RGPD3: variants seen among roughly 807,000 people sequenced by gnomAD.
RGPD3 encodes the protein ranBP2-like and GRIP domain-containing protein 3.
In RGPD3, 62 loss-of-function variants were observed where a neutral mutation model predicts 154.5. The observed-to-expected ratio is 0.40, with a 90% CI of 0.33 to 0.50. The LOEUF is 0.50. RGPD3 is among the 20% of genes least tolerant of loss of function. The probability of loss-of-function intolerance (pLI) is 0.59; values close to 1 mark genes in which losing one functional copy is unlikely to be tolerated. For missense variants in RGPD3, 919 were observed against 1,716.8 expected (o/e 0.54, Z 8.21); for synonymous variants, 308 against 607.0 (o/e 0.51, Z 7.24).
intron 1 of RGPD3, among the ~76,000 whole-genome samples, chr2:106,466,880 CCGCCGGGCCGGG>C (rs1678620924): frequency 1.1e-5 from 1 of 90,260 alleles, no homozygotes; most frequent in Non-Finnish European, 2.3e-5. Context: ...ATCGAGGCCG[CCGCCGGGCCGGG>C]TCGAGGCCGC....
At chr2:106,410,371 G>C (rs1011896876) in intron 22 of RGPD3, among the ~76,000 whole-genome samples, 1 of 152,102 alleles carries the variant, frequency 6.6e-6, no homozygotes, top group Non-Finnish European at 1.5e-5. Flanking sequence ...ACATCTTAGA[G>C]TTCTGGGTTT....
intron 1 of RGPD3, 27 bp downstream of exon 1, chr2:106,468,190 C>T (rs1269998528): frequency 1.3e-6 from 2 of 1,588,722 alleles, no homozygotes; most frequent in African/African-American, 1.3e-5. Flanking sequence ...CAGGTCGAGG[C>T]CGTCGGTCTC....
At chr2:106,465,999 G>A (rs1558864576) in intron 1 of RGPD3, among the ~76,000 whole-genome samples, 1 of 152,058 alleles carries the variant, frequency 6.6e-6, no homozygotes, top group Non-Finnish European at 1.5e-5. Context: ...AGGCCAAGGA[G>A]GTATGACCTC....
intron 1 of RGPD3, among the ~76,000 whole-genome samples, chr2:106,464,156 T>G (rs1678487835): frequency 6.6e-6 from 1 of 151,970 alleles, no homozygotes; most frequent in African/African-American, 2.4e-5. Context: ...CTATCCTGGC[T>G]AACACGGTGA....
chr2:106,446,557 G>A lies in RGPD3; in HGVS notation c.978+861C>T, dbSNP rs1484405690. ...TGCACTCCAGCCTGGGCGACAGAGC[G>A]AGACTCCATCTCAAAAAAAAAAAAA... On this transcript the variant is annotated intron_variant, in intron 7 of 22. Coordinates refer to ENST00000409886, the MANE Select transcript of RGPD3 (RefSeq NM_001144013.2). 4.4e-4 allele frequency among the ~76,000 whole-genome samples: 34 copies of A among 78,076 alleles called. 1 individual carries two copies. Among genetic ancestry groups the A allele is most frequent in the Non-Finnish European group, 4.2e-4 (18 of 42,630 alleles). 51.2% of individuals were successfully genotyped at this position (78,076 alleles called of 152,430 possible).
At chr2:106,469,533 T>TA (rs1678757031), upstream of RGPD3, among the ~76,000 whole-genome samples, 1 of 152,180 alleles carries the variant, frequency 6.6e-6, no homozygotes, top group South Asian at 2.1e-4. Context: ...CTGATAGCAC[T>TA]AACCTTCCCT....
At chr2:106,449,077 A>G in intron 6 of RGPD3, among the ~76,000 whole-genome samples, 1 of 151,740 alleles carries the variant, frequency 6.6e-6, no homozygotes, top group Admixed American at 6.6e-5. Context: ...ATGTTCTATT[A>G]AGCGAGACAT....
intron 6 of RGPD3, among the ~76,000 whole-genome samples, chr2:106,449,746 G>C (rs1433771487): frequency 1.3e-5 from 2 of 151,626 alleles, no homozygotes; most frequent in East Asian, 2.0e-4. Context: ...AGCCGGGCGC[G>C]GTGGCTCATG....
At chr2:106,464,670 C>G (rs1400309072) in intron 1 of RGPD3, among the ~76,000 whole-genome samples, 1 of 151,974 alleles carries the variant, frequency 6.6e-6, no homozygotes, top group Non-Finnish European at 1.5e-5. Context: ...CATAGAAAAA[C>G]TAAACAGAAG....
At chr2:106,465,579 G>T (rs1323577047) in intron 1 of RGPD3, among the ~76,000 whole-genome samples, 28 of 133,394 alleles carry the variant, frequency 2.1e-4, no homozygotes, top group South Asian at 2.5e-4. Context: ...TTTTAAGCTT[G>T]TTTAAAAAAA....
At chr2:106,413,582 T>C (rs529833276) in intron 21 of RGPD3, among the ~76,000 whole-genome samples, 58 of 152,236 alleles carry the variant, frequency 3.8e-4, no homozygotes, top group Non-Finnish European at 7.6e-4. Context: ...TGTTGGGCTA[T>C]ATGACTCCAC....
intron 6 of RGPD3, among the ~76,000 whole-genome samples, chr2:106,450,648 G>A (rs935872212): frequency 1.1e-5 from 1 of 93,480 alleles, no homozygotes; most frequent in Non-Finnish European, 2.0e-5. Flanking sequence ...GAAGCTTGCA[G>A]TGAGCCGAGA....
At chr2:106,464,954 G>A (rs4676034) in intron 1 of RGPD3, among the ~76,000 whole-genome samples, 109,379 of 140,786 alleles carry the variant, frequency 0.78, 42,372 homozygotes, top group East Asian at 0.99. Flanking sequence ...CGGCCTCCCA[G>A]AGTGCTCAGA....
intron 22 of RGPD3, 45 bp from the exon 23 acceptor site, chr2:106,405,274 A>G: frequency 6.3e-7 from 1 of 1,586,880 alleles, no homozygotes; most frequent in East Asian, 2.3e-5. Flanking sequence ...GAGTATTAAA[A>G]TTTCTCAATG....
At chr2:106,466,714 C>G (rs1465210479) in intron 1 of RGPD3, among the ~76,000 whole-genome samples, 4 of 39,120 alleles carry the variant, frequency 1.0e-4, no homozygotes, top group South Asian at 3.6e-3. Context: ...CGGGCCGGGT[C>G]GAGGCCGCCG....
At chr2:106,437,548 G>A (rs551899993) in intron 9 of RGPD3, among the ~76,000 whole-genome samples, 343 of 152,308 alleles carry the variant, frequency 2.3e-3, no homozygotes, top group Non-Finnish European at 4.2e-3. Context: ...AAGGTTATGC[G>A]CTTCTGGAAG....
At position 106,423,907 on chromosome 2, in the gene RGPD3, C is replaced by G. The variant is rs769042286; in HGVS notation, c.4060G>C (p.Glu1354Gln). ...GCCCTGTGACTAAAAACAACTTGTT[C>G]ATTTTCCTCACCACTGGATACTTCA... ...LVEVSSGEEN[E>Q]QVVFSHRAEF... Residue 1354 changes from glutamate to glutamine, a missense_variant, in exon 20 of 23, where the codon GAA (glutamate) becomes CAA (glutamine). Physicochemically the swap from Glu to Gln is conservative, Grantham distance 29. Coordinates refer to ENST00000409886, the MANE Select transcript of RGPD3 (RefSeq NM_001144013.2). 2 of 1,611,852 alleles carry G rather than the reference C, an allele frequency of 1.2e-6. No individual in the cohort carries two copies. The highest frequency in any genetic ancestry group is 8.5e-7 in the Non-Finnish European group (1 of 1,179,842).
Position 106,444,641 on chromosome 2 carries a change from A to AGGCTGGT in RGPD3, c.978+2776_978+2777insACCAGCC, listed in dbSNP as rs1347676304. On this transcript the variant is annotated intron_variant, in intron 7 of 22. Transcript: ENST00000409886. The stretch of plus-strand genomic sequence containing the variant: ...TTCAAGACCAACCAGCCTGGGAAAC[A>AGGCTGGT]TAGCAAGACCTTGTCTTTACAAAAA... 6.5e-5 allele frequency among the ~76,000 whole-genome samples: 9 copies of AGGCTGGT among 137,982 alleles called. 1 individual carries two copies. The highest frequency in any genetic ancestry group is 1.4e-4 in the Non-Finnish European group (9 of 63,458). 90.5% of individuals were successfully genotyped at this position (137,982 alleles called of 152,430 possible).
chr2:106,412,721 G>A (rs1558833246), intron 22 of RGPD3: 1 of 466,870 alleles, frequency 2.1e-6, no homozygotes, highest in East Asian at 6.4e-5. Flanking sequence ...GAGGAAGGAA[G>A]AGGGGTGAAG....
Sources: gnomAD v4.1 joint callset for allele counts (sites outside exome capture counted in the v4.1 genomes callset) on GRCh38, gnomAD v4.1.1 for gene constraint, MANE v1.5 for transcripts, NCBI Gene and HGNC (gene_info 2026-07-23, HGNC 2026-07-21) for gene names.